The following ADAMTS19 variants were observed in gnomAD, a reference collection of about 807,000 sequenced individuals.
ADAMTS19 encodes A disintegrin and metalloproteinase with thrombospondin motifs 19.
A neutral mutation model predicts 153.3 loss-of-function variants in ADAMTS19; 93 were observed. The observed-to-expected ratio is 0.61, with a 90% CI of 0.51 to 0.72. The LOEUF is 0.72. Among genes scored for constraint, ADAMTS19 ranks in the 30% least tolerant of loss-of-function variants. The pLI, the probability that ADAMTS19 is intolerant of heterozygous loss-of-function variation, is 0.00. For synonymous variants in ADAMTS19, 600 were observed against 556.6 expected, an observed-to-expected ratio of 1.08 and a Z score of -1.10; for missense variants, 1,482 against 1,552.1, an observed-to-expected ratio of 0.95 and a Z score of 0.76.
chr5:129,719,545 G>A (rs1190018021), intron 21 of ADAMTS19, among the ~76,000 whole-genome samples: 1 of 152,080 alleles, frequency 6.6e-6, no homozygotes, highest in Non-Finnish European at 1.5e-5. Flanking sequence ...ACTAGATGTG[G>A]AAGTCTTTTC....
intron 6 of ADAMTS19, among the ~76,000 whole-genome samples, chr5:129,530,829 A>G (rs866753970): frequency 6.6e-6 from 1 of 151,902 alleles, no homozygotes; most frequent in Non-Finnish European, 1.5e-5. Flanking sequence ...AAAAAAAAAA[A>G]GGAAAAGCAT....
intron 18 of ADAMTS19, among the ~76,000 whole-genome samples, chr5:129,691,864 G>A (rs1171793225): frequency 6.6e-6 from 1 of 152,124 alleles, no homozygotes; most frequent in Non-Finnish European, 1.5e-5. Context: ...CAGTACGTAA[G>A]CAGTAGGTGA....
rs1167343390 is a variant in ADAMTS19 at position 129,606,146 on chromosome 5, CCTG to C, written c.1478+9485_1478+9487del. 2.6e-5 allele frequency among the ~76,000 whole-genome samples: 4 copies of C among 152,010 alleles called. No individual in the cohort carries two copies. In the East Asian group the frequency reaches 7.7e-4, roughly 29 times the overall value. ...TTGAAGGCAATAAATATTTGGGGCA[CCTG>C]CTAAAATTTTAAGAATTGCCAGAGT... is the stretch of plus-strand genomic sequence containing the variant. On this transcript the variant is annotated intron_variant, in intron 8 of 22. Transcript: ENST00000274487.
chr5:129,676,588 G>A (rs970371664), intron 16 of ADAMTS19, among the ~76,000 whole-genome samples: 1 of 152,044 alleles, frequency 6.6e-6, no homozygotes, highest in Non-Finnish European at 1.5e-5. Flanking sequence ...CTTAGGGATC[G>A]CAGTTCTCTG....
chr5:129,649,272 G>A lies in ADAMTS19; in HGVS notation c.2176+302G>A, dbSNP rs144507450. Among the ~76,000 whole-genome samples the A allele has an allele frequency of 1.8e-3, 274 of 152,182 alleles. 1 individual carries two copies. The highest frequency in any genetic ancestry group is 6.0e-3 in the African/African-American group (250 of 41,472). ...CATTGCTTGGTGGGATTGTAAAATC[G>A]TGCAGCCACTTTGGAAAATATAGTT... On this transcript the variant is annotated intron_variant, in intron 13 of 22. Coordinates refer to ENST00000274487, the MANE Select transcript of ADAMTS19 (RefSeq NM_133638.6).
chr5:129,670,293 A>G (rs917335348), intron 16 of ADAMTS19, among the ~76,000 whole-genome samples: 3 of 152,138 alleles, frequency 2.0e-5, no homozygotes, highest in African/African-American at 7.2e-5. Context: ...TGTCTACAAT[A>G]TCTAAATCAA....
Position 129,704,388 on chromosome 5 carries a change from T to G in ADAMTS19, c.3309T>G (p.Ser1103=). 6.2e-7 allele frequency: 1 copy of G among 1,613,512 alleles called. No homozygotes were observed. Among genetic ancestry groups the G allele is most frequent in the Non-Finnish European group, 8.5e-7 (1 of 1,179,672 alleles). Residue 1103 remains serine, a synonymous_variant, in exon 21 of 23, where the codon TCT becomes TCG. Coordinates refer to ENST00000274487, the MANE Select transcript of ADAMTS19 (RefSeq NM_133638.6). ...ATGTGTGGCGAATGGGTGACTGGTC[T>G]AAGGTGAGAACCATTCTGTATATTC... ...KCYVWRMGDW[S]KCSITCGKGM... is the part of the protein sequence containing the mutation.
chr5:129,518,715 G>GAT (rs747330695), intron 3 of ADAMTS19, among the ~76,000 whole-genome samples: 1 of 151,774 alleles, frequency 6.6e-6, no homozygotes, highest in Non-Finnish European at 1.5e-5. Flanking sequence ...TTTGTATTTG[G>GAT]ATATCGGTAT....
chr5:129,730,487 A>G (rs1466437835), intron 21 of ADAMTS19, among the ~76,000 whole-genome samples: 1 of 152,198 alleles, frequency 6.6e-6, no homozygotes, highest in Non-Finnish European at 1.5e-5. Context: ...TTGTCATAAC[A>G]GAAATATAGG....
intron 17 of ADAMTS19, 88 bp from the exon 18 acceptor site, chr5:129,684,032 T>A (rs1754951087): frequency 7.3e-7 from 1 of 1,377,590 alleles, no homozygotes; most frequent in Non-Finnish European, 9.9e-7. Flanking sequence ...CAATGAGCAT[T>A]TTAAGTATCA....
chr5:129,566,511 A>C (rs552273738), intron 7 of ADAMTS19, among the ~76,000 whole-genome samples: 1 of 152,236 alleles, frequency 6.6e-6, no homozygotes, highest in East Asian at 1.9e-4. Flanking sequence ...AGAAGATATG[A>C]ATTTGAAGTG....
intron 8 of ADAMTS19, among the ~76,000 whole-genome samples, chr5:129,613,442 A>G (rs1259798378): frequency 1.3e-5 from 2 of 152,208 alleles, no homozygotes; most frequent in Non-Finnish European, 2.9e-5. Flanking sequence ...ACTACTGGGT[A>G]CATAACGAAA....
chr5:129,603,841 C>T (rs943815773), intron 8 of ADAMTS19, among the ~76,000 whole-genome samples: 1 of 152,150 alleles, frequency 6.6e-6, no homozygotes, highest in African/African-American at 2.4e-5. Context: ...ATGATCAAAG[C>T]CAAGTCCATC....
At chr5:129,607,725 G>T (rs1281704747) in intron 8 of ADAMTS19, among the ~76,000 whole-genome samples, 2 of 151,938 alleles carry the variant, frequency 1.3e-5, no homozygotes, top group Non-Finnish European at 2.9e-5. Context: ...CTTAAAGTCT[G>T]GTTATAGGCC....
At chr5:129,636,807 A>G (rs753422327) in intron 10 of ADAMTS19, among the ~76,000 whole-genome samples, 19 of 152,234 alleles carry the variant, frequency 1.2e-4, no homozygotes, top group African/African-American at 4.6e-4. Context: ...ATGTTTATTA[A>G]GATTTATCCT....
chr5:129,737,848 A>G lies in ADAMTS19; in HGVS notation c.*630A>G, dbSNP rs1428519165. The G allele has an allele frequency of 6.6e-6, 1 of 152,566 alleles. No homozygotes were observed. The highest frequency in any genetic ancestry group is 1.5e-5 in the Non-Finnish European group (1 of 68,004). The allele number at this position is 152,566 out of a possible 1,614,324, so 9.5% of individuals were successfully genotyped here. A position where few individuals can be genotyped will look rare whatever the true frequency, so the allele number is the denominator to read the frequency against. On this transcript the variant is annotated 3_prime_UTR_variant, in exon 23 of 23. Coordinates refer to ENST00000274487, the MANE Select transcript of ADAMTS19 (RefSeq NM_133638.6). ...AGAGACTTTGATCATGTTCATGAAC[A>G]TGTACTTGAACACAAGTATTGTAAC...
At chr5:129,680,633 A>C (rs986518281) in intron 17 of ADAMTS19, among the ~76,000 whole-genome samples, 8 of 151,990 alleles carry the variant, frequency 5.3e-5, no homozygotes, top group African/African-American at 1.9e-4. Context: ...ATGGTGACGC[A>C]TGCCTGTAAT....
intron 2 of ADAMTS19, among the ~76,000 whole-genome samples, chr5:129,491,802 G>A (rs1449317715): frequency 2.0e-5 from 3 of 151,826 alleles, no homozygotes; most frequent in Non-Finnish European, 4.4e-5. Flanking sequence ...TATTGCTGAG[G>A]TTCAATAAAA....
At chr5:129,658,351 A>AAGAAAGAAAGAAAGAGAGAGAGAGAG (rs1753670638) in intron 14 of ADAMTS19, among the ~76,000 whole-genome samples, 16 of 133,188 alleles carry the variant, frequency 1.2e-4, no homozygotes, top group Non-Finnish European at 1.9e-4. Flanking sequence ...GAAAGAAAGA[A>AAGAAAGAAAGAAAGAGAGAGAGAGAG]AGAAAGAAAG....
Sources: allele counts gnomAD v4.1 joint callset (sites outside exome capture counted in the v4.1 genomes callset), GRCh38; gene constraint gnomAD v4.1.1; transcripts MANE v1.5; gene names NCBI Gene and HGNC (gene_info 2026-07-23, HGNC 2026-07-21).